SHANK2: variants seen among roughly 807,000 people sequenced by gnomAD.
SHANK2 encodes SH3 and multiple ankyrin repeat domains 2, also known as SH3 and multiple ankyrin repeat domains protein 2.
Under a neutral mutation model 133.7 loss-of-function variants are expected in SHANK2, and 43 were observed. The observed-to-expected ratio is 0.32, with a 90% CI of 0.25 to 0.41. The LOEUF is 0.41. SHANK2 is among the 10% of genes least tolerant of loss of function. The pLI is 1.00. For synonymous variants in SHANK2, 1,017 were observed against 952.8 expected (o/e 1.07, Z -1.24); for missense variants, 1,994 against 2,235.8 (o/e 0.89, Z 2.18).
chr11:70,916,518 C>T (rs1014329591), intron 10 of SHANK2, among the ~76,000 whole-genome samples: 27 of 152,326 alleles, frequency 1.8e-4, no homozygotes, highest in African/African-American at 6.5e-4. Flanking sequence ...CACACACACA[C>T]AGCTGCCCCG....
At chr11:70,596,256 G>A (rs782076977) in intron 17 of SHANK2, among the ~76,000 whole-genome samples, 16 of 152,204 alleles carry the variant, frequency 1.1e-4, no homozygotes, top group Non-Finnish European at 2.1e-4. Flanking sequence ...GAGCCCGGAC[G>A]CTTCCCAGTG....
intron 11 of SHANK2, among the ~76,000 whole-genome samples, chr11:70,852,842 C>G (rs1555065954): frequency 6.6e-6 from 1 of 152,202 alleles, no homozygotes; most frequent in African/African-American, 2.4e-5. Context: ...GACTCTGTCT[C>G]AATCAATCAA....
intron 10 of SHANK2, among the ~76,000 whole-genome samples, chr11:70,931,737 G>C (rs1555082526): frequency 6.6e-6 from 1 of 152,236 alleles, no homozygotes; most frequent in Non-Finnish European, 1.5e-5. Flanking sequence ...ACAGCAAGGT[G>C]CTGGCGCCAA....
At chr11:70,729,811 G>T (rs1189746308) in intron 14 of SHANK2, among the ~76,000 whole-genome samples, 1 of 151,210 alleles carries the variant, frequency 6.6e-6, no homozygotes, top group Non-Finnish European at 1.5e-5. Flanking sequence ...GGGATTACAG[G>T]CTTGAGCCAC....
At chr11:70,710,847 C>T (rs949641355) in intron 14 of SHANK2, among the ~76,000 whole-genome samples, 3 of 152,294 alleles carry the variant, frequency 2.0e-5, no homozygotes, top group Non-Finnish European at 4.4e-5. Flanking sequence ...CACAGAGCCT[C>T]GGGGTCGGGG....
At chr11:71,116,171 T>C (rs369485098) in intron 4 of SHANK2, among the ~76,000 whole-genome samples, 2 of 152,220 alleles carry the variant, frequency 1.3e-5, no homozygotes, top group South Asian at 2.1e-4. Flanking sequence ...TGGGCGTCCA[T>C]GACATCTTGG....
intron 1 of SHANK2, among the ~76,000 whole-genome samples, chr11:71,247,357 G>C (rs1555125139): frequency 6.6e-6 from 1 of 152,170 alleles, no homozygotes; most frequent in East Asian, 1.9e-4. Context: ...TGTGTGAGAA[G>C]CTTGGTAAAT....
intron 25 of SHANK2, among the ~76,000 whole-genome samples, chr11:70,481,986 G>C (rs1435244900): frequency 6.6e-6 from 1 of 152,184 alleles, no homozygotes; most frequent in African/African-American, 2.4e-5. Context: ...TGGTGGTTCT[G>C]ACTGCCCCCC....
intron 17 of SHANK2, among the ~76,000 whole-genome samples, chr11:70,545,204 C>A (rs184964593): frequency 1.2e-4 from 18 of 152,350 alleles, no homozygotes; most frequent in Admixed American, 4.6e-4. Flanking sequence ...CCTGGGCTCG[C>A]GCTGTCTGAG....
At chr11:71,137,299 T>TAA (rs10534209) in intron 3 of SHANK2, among the ~76,000 whole-genome samples, 5,715 of 112,630 alleles carry the variant, frequency 0.051, 371 homozygotes, top group African/African-American at 0.15. Context: ...AATCCTTACT[T>TAA]AAAAAAAAAA....
chr11:70,915,031 T>C (rs1474045091), intron 10 of SHANK2, among the ~76,000 whole-genome samples: 1 of 152,196 alleles, frequency 6.6e-6, no homozygotes, highest in Non-Finnish European at 1.5e-5. Flanking sequence ...CTCCACAAGC[T>C]GCATCTCAGC....
At chr11:71,208,623 G>A (rs117969006) in intron 2 of SHANK2, among the ~76,000 whole-genome samples, 5,138 of 152,020 alleles carry the variant, frequency 0.034, 110 homozygotes, top group Middle Eastern at 0.037. Flanking sequence ...GGCATAGCAA[G>A]GGAGACCAAC....
At chr11:71,067,741 G>T (rs1470454237) in intron 9 of SHANK2, among the ~76,000 whole-genome samples, 2 of 151,474 alleles carry the variant, frequency 1.3e-5, no homozygotes, top group African/African-American at 4.9e-5. Context: ...TGAGACCATC[G>T]TCACTATCAC....
intron 13 of SHANK2, among the ~76,000 whole-genome samples, chr11:70,800,417 G>C (rs1948019278): frequency 6.6e-6 from 1 of 152,174 alleles, no homozygotes; most frequent in African/African-American, 2.4e-5. Flanking sequence ...AAAACAATCT[G>C]ATTTCTCCAC....
chr11:70,713,955 G>T (rs186798493), intron 14 of SHANK2, among the ~76,000 whole-genome samples: 16 of 152,320 alleles, frequency 1.1e-4, no homozygotes, highest in African/African-American at 3.6e-4. Flanking sequence ...CATGCTAAGT[G>T]CCTTCTTCCT....
intron 17 of SHANK2, among the ~76,000 whole-genome samples, chr11:70,583,583 G>T (rs976667230): frequency 6.6e-6 from 1 of 152,204 alleles, no homozygotes; most frequent in Non-Finnish European, 1.5e-5. Flanking sequence ...AATGCCAGCT[G>T]CCCAGATGGC....
rs150929004 is a variant in SHANK2 at position 70,922,162 on chromosome 11, A to C, written c.1108-25595T>G. ...ATTAAGGACCTCAAAGGTAGGCTTAAGATCGGATTACATGTAGGAGATGGA... is the reference window on the plus strand; with the variant it reads ...ATTAAGGACCTCAAAGGTAGGCTTACGATCGGATTACATGTAGGAGATGGA... On this transcript the variant is annotated intron_variant, in intron 10 of 25. Transcript: ENST00000601538. 6.7e-3 allele frequency among the ~76,000 whole-genome samples: 1,014 copies of C among 152,330 alleles called. 13 individuals are homozygous for C. The highest frequency in any genetic ancestry group is 0.024 in the African/African-American group (984 of 41,572).
chr11:71,134,406 G>A (rs1555104381), intron 3 of SHANK2, among the ~76,000 whole-genome samples: 1 of 151,650 alleles, frequency 6.6e-6, no homozygotes, highest in Non-Finnish European at 1.5e-5. Context: ...CACTTCCAAT[G>A]GGTGAATTAT....
intron 6 of SHANK2, among the ~76,000 whole-genome samples, chr11:71,108,502 C>A (rs1951835373): frequency 6.6e-6 from 1 of 152,170 alleles, no homozygotes; most frequent in African/African-American, 2.4e-5. Context: ...CACTCCCTTT[C>A]CCCTCTCCCC....
Sources: allele counts gnomAD v4.1 joint callset (sites outside exome capture counted in the v4.1 genomes callset), GRCh38; gene constraint gnomAD v4.1.1; transcripts MANE v1.5; gene names NCBI Gene and HGNC (gene_info 2026-07-23, HGNC 2026-07-21).